SLC25A21: variants seen among roughly 807,000 people sequenced by gnomAD.
The protein encoded by SLC25A21 is solute carrier family 25 member 21, also known as mitochondrial 2-oxodicarboxylate carrier.
In SLC25A21, 47 loss-of-function variants were observed where a neutral mutation model predicts 43.8. The observed-to-expected ratio is 1.07, with a 90% CI of 0.85 to 1.37. SLC25A21 has a LOEUF of 1.37. Ranked by LOEUF, SLC25A21 falls within the 40% of genes most tolerant of loss-of-function variation. SLC25A21 has a pLI of 0.00. For synonymous variants in SLC25A21, 131 were observed against 121.3 expected (o/e 1.08, Z -0.52); for missense variants, 352 against 350.2 (o/e 1.00, Z -0.04).
chr14:36,767,770 T>C (rs1366619056), intron 3 of SLC25A21, among the ~76,000 whole-genome samples: 1 of 152,184 alleles, frequency 6.6e-6, no homozygotes, highest in Non-Finnish European at 1.5e-5. Context: ...TAAGCCTGTT[T>C]AGCTGACACA....
rs370731244 is a variant in SLC25A21, at chr14:36,717,743, A to T, written c.439-6261T>A. ...TAATTATCTAGATTTCTTTATCCCA[A>T]TGAAAACAGTGTGGTTGACTAGAAA... is the stretch of plus-strand genomic sequence containing the variant. On this transcript the variant is annotated intron_variant, in intron 6 of 9. Coordinates refer to ENST00000331299, the MANE Select transcript of SLC25A21 (RefSeq NM_030631.4). Among the ~76,000 whole-genome samples the T allele has an allele frequency of 2.6e-5, 4 of 152,338 alleles. No homozygotes were observed. The South Asian group carries it at 8.3e-4, about 32-fold the overall frequency.
chr14:37,048,123 T>C (rs75700775), intron 1 of SLC25A21, among the ~76,000 whole-genome samples: 4,809 of 152,276 alleles, frequency 0.032, 240 homozygotes, highest in African/African-American at 0.11. Context: ...AATGTTTGTG[T>C]ACCCATTTAG....
chr14:36,811,329 T>C (rs867733081), intron 3 of SLC25A21, among the ~76,000 whole-genome samples: 37 of 152,154 alleles, frequency 2.4e-4, no homozygotes, highest in Middle Eastern at 3.4e-3. Context: ...TTAGAGGGTA[T>C]ATGTGTAGAA....
At chr14:37,126,153 G>C (rs916857487) in intron 1 of SLC25A21, among the ~76,000 whole-genome samples, 1 of 152,076 alleles carries the variant, frequency 6.6e-6, no homozygotes, top group African/African-American at 2.4e-5. Flanking sequence ...CATGTGCTAT[G>C]TGTATACCAC....
intron 1 of SLC25A21, among the ~76,000 whole-genome samples, chr14:37,034,107 C>G (rs1356319625): frequency 6.6e-6 from 1 of 152,044 alleles, no homozygotes; most frequent in Non-Finnish European, 1.5e-5. Flanking sequence ...ACCTCTGCCT[C>G]CCGGGTTCAA....
chr14:37,041,360 C>G (rs1256305437), intron 1 of SLC25A21, among the ~76,000 whole-genome samples: 1 of 152,112 alleles, frequency 6.6e-6, no homozygotes, highest in East Asian at 1.9e-4. Flanking sequence ...TGTGCATTAT[C>G]AAAATGCTAC....
intron 1 of SLC25A21, among the ~76,000 whole-genome samples, chr14:36,902,514 A>C (rs1187330903): frequency 6.6e-6 from 1 of 152,164 alleles, no homozygotes. Context: ...CACAAATCAC[A>C]TATTCCAGGG....
intron 6 of SLC25A21, among the ~76,000 whole-genome samples, chr14:36,724,088 C>G (rs771486563): frequency 5.9e-5 from 9 of 152,188 alleles, no homozygotes; most frequent in Non-Finnish European, 1.0e-4. Flanking sequence ...TCCCCTCCCC[C>G]TGTTCCGCAC....
At chr14:36,839,799 TG>T (rs1174826980) in intron 2 of SLC25A21, among the ~76,000 whole-genome samples, 1 of 152,246 alleles carries the variant, frequency 6.6e-6, no homozygotes, top group Non-Finnish European at 1.5e-5. Context: ...GAATAGCCTA[TG>T]GCTCCTAGGC....
intron 1 of SLC25A21, among the ~76,000 whole-genome samples, chr14:37,029,366 C>G (rs1215551037): frequency 6.6e-6 from 1 of 152,134 alleles, no homozygotes; most frequent in African/African-American, 2.4e-5. Context: ...TTTGCAGACT[C>G]CATATTTCTT....
chr14:36,956,033 T>C (rs1420875355), intron 1 of SLC25A21, among the ~76,000 whole-genome samples: 2 of 152,198 alleles, frequency 1.3e-5, no homozygotes, highest in African/African-American at 2.4e-5. Context: ...CTGATGTGCA[T>C]TCTTTCAGGC....
intron 1 of SLC25A21, among the ~76,000 whole-genome samples, chr14:37,046,365 T>C (rs1961586031): frequency 6.6e-6 from 1 of 152,184 alleles, no homozygotes; most frequent in African/African-American, 2.4e-5. Context: ...TAGCCTTATA[T>C]TTCCTCCATC....
At chr14:36,996,033 C>T (rs968549779) in intron 1 of SLC25A21, among the ~76,000 whole-genome samples, 1 of 152,096 alleles carries the variant, frequency 6.6e-6, no homozygotes, top group African/African-American at 2.4e-5. Context: ...ACTGGCAGAA[C>T]CTGCTTTCCA....
At chr14:36,782,367 T>C (rs575156705) in intron 3 of SLC25A21, among the ~76,000 whole-genome samples, 1 of 152,216 alleles carries the variant, frequency 6.6e-6, no homozygotes, top group African/African-American at 2.4e-5. Flanking sequence ...ATCATCTGCA[T>C]ATTATTTCTC....
intron 2 of SLC25A21, among the ~76,000 whole-genome samples, chr14:36,817,345 G>A (rs1888492147): frequency 6.6e-6 from 1 of 152,174 alleles, no homozygotes; most frequent in African/African-American, 2.4e-5. Context: ...GGGAAGAGAA[G>A]GATCTGAGCT....
chr14:37,049,250 A>G (rs1239907963), intron 1 of SLC25A21, among the ~76,000 whole-genome samples: 1 of 152,212 alleles, frequency 6.6e-6, no homozygotes, highest in Non-Finnish European at 1.5e-5. Flanking sequence ...AACATAAAAT[A>G]AAATGAACAA....
At chr14:36,889,244 A>G (rs1274771773) in intron 1 of SLC25A21, among the ~76,000 whole-genome samples, 2 of 152,190 alleles carry the variant, frequency 1.3e-5, no homozygotes, top group Non-Finnish European at 2.9e-5. Flanking sequence ...TAGTTTAATC[A>G]CACAAGATTT....
At chr14:37,159,179 A>G (rs1376548951) in intron 1 of SLC25A21, among the ~76,000 whole-genome samples, 1 of 151,222 alleles carries the variant, frequency 6.6e-6, no homozygotes, top group Non-Finnish European at 1.5e-5. Flanking sequence ...TACAGATTCA[A>G]TGCAATCCCT....
At chr14:36,966,882 C>A (rs562543398) in intron 1 of SLC25A21, among the ~76,000 whole-genome samples, 1 of 152,220 alleles carries the variant, frequency 6.6e-6, no homozygotes, top group South Asian at 2.1e-4. Flanking sequence ...AGGGATTCTA[C>A]AGGGAATGAA....
Sources: allele counts gnomAD v4.1 joint callset (sites outside exome capture counted in the v4.1 genomes callset), GRCh38; gene constraint gnomAD v4.1.1; transcripts MANE v1.5; gene names NCBI Gene and HGNC (gene_info 2026-07-23, HGNC 2026-07-21).